The following MACROD2 variants were observed in gnomAD, a reference collection of about 807,000 sequenced individuals.
The protein encoded by MACROD2 is ADP-ribose glycohydrolase MACROD2.
MACROD2 carries 36 observed loss-of-function variants against 70.4 expected under a neutral mutation model. The ratio of observed to expected loss-of-function variants is 0.51; its 90% CI spans 0.39 to 0.68. The LOEUF (loss-of-function observed/expected upper bound fraction) is 0.68, where lower values mean the gene tolerates loss of function less well. Ranked by LOEUF, MACROD2 falls within the 30% of genes least tolerant of loss-of-function variation. The pLI is 0.00. For synonymous variants in MACROD2, 172 were observed against 178.8 expected, an observed-to-expected ratio of 0.96 and a Z score of 0.30; for missense variants, 496 against 538.4, an observed-to-expected ratio of 0.92 and a Z score of 0.78.
At chr20:15,449,396 T>C (rs1279053533) in intron 7 of MACROD2, among the ~76,000 whole-genome samples, 1 of 151,966 alleles carries the variant, frequency 6.6e-6, no homozygotes, top group African/African-American at 2.4e-5. Flanking sequence ...TTAAAAGGAG[T>C]GCTTTTAATC....
At chr20:15,898,779 T>A (rs1346409576) in intron 10 of MACROD2, among the ~76,000 whole-genome samples, 2 of 151,960 alleles carry the variant, frequency 1.3e-5, no homozygotes, top group Non-Finnish European at 2.9e-5. Flanking sequence ...TGGCACTTTA[T>A]CATTTCGGTT....
At chr20:14,879,743 T>C (rs2073590055) in intron 5 of MACROD2, among the ~76,000 whole-genome samples, 2 of 152,178 alleles carry the variant, frequency 1.3e-5, no homozygotes, top group Non-Finnish European at 2.9e-5. Context: ...ATTGTGCTTC[T>C]CTCTTTTTAT....
chr20:15,870,055 C>T (rs1314110278), intron 9 of MACROD2, among the ~76,000 whole-genome samples: 1 of 151,900 alleles, frequency 6.6e-6, no homozygotes. Context: ...TAAAACGAAA[C>T]AAATCAAGAA....
rs562236703 is a variant in MACROD2 at position 15,546,105 on chromosome 20, C to T, written c.645+46258C>T. On this transcript the variant is annotated intron_variant, in intron 8 of 17. Coordinates refer to ENST00000684519, the MANE Select transcript of MACROD2 (RefSeq NM_001351661.2). ...GTCTAAAAATACAAAATTAGCCAAG[C>T]GTGGTGATGCATGCCTGCAATCTCA... Among the ~76,000 whole-genome samples, 7 of 152,240 alleles carry T rather than the reference C, an allele frequency of 4.6e-5. No individual in the cohort carries two copies. In the South Asian group the frequency reaches 1.5e-3, roughly 32 times the overall value.
At chr20:14,090,437 G>A (rs2054132665) in intron 3 of MACROD2, among the ~76,000 whole-genome samples, 1 of 152,048 alleles carries the variant, frequency 6.6e-6, no homozygotes, top group African/African-American at 2.4e-5. Flanking sequence ...GCTGGGCACG[G>A]TGGCAGGTGC....
intron 4 of MACROD2, among the ~76,000 whole-genome samples, chr20:14,511,797 T>C (rs1337543096): frequency 2.0e-5 from 3 of 152,122 alleles, no homozygotes; most frequent in East Asian, 1.9e-4. Context: ...ACATGTGTGA[T>C]TTAGTAATAT....
chr20:15,647,730 T>G (rs1671473362), intron 8 of MACROD2, among the ~76,000 whole-genome samples: 1 of 151,510 alleles, frequency 6.6e-6, no homozygotes, highest in Non-Finnish European at 1.5e-5. Context: ...TGATTTTTTT[T>G]TTTTTTTGAG....
In MACROD2 at chr20:14,830,355, A is replaced by G. The variant is rs116184679; in HGVS notation, c.418+145396A>G. 4.4e-3 allele frequency among the ~76,000 whole-genome samples: 674 copies of G among 152,250 alleles called. 5 individuals carry two copies. Among genetic ancestry groups the G allele is most frequent in the African/African-American group, 0.016 (646 of 41,550 alleles). On this transcript the variant is annotated intron_variant, in intron 5 of 17. Coordinates refer to ENST00000684519, the MANE Select transcript of MACROD2 (RefSeq NM_001351661.2). Reference sequence around the variant, plus strand: ...AATAATAGTGATTAAGCTCTGTGCTATGTAAAACTGGCAAGTTTCTTAGTG... The same window carrying G: ...AATAATAGTGATTAAGCTCTGTGCTGTGTAAAACTGGCAAGTTTCTTAGTG...
At chr20:14,330,413 A>G (rs972651104) in intron 3 of MACROD2, among the ~76,000 whole-genome samples, 3 of 152,058 alleles carry the variant, frequency 2.0e-5, no homozygotes, top group African/African-American at 7.2e-5. Context: ...CTAAAGTAGT[A>G]GCAATTTGCT....
chr20:14,336,049 G>A (rs1341627957), intron 3 of MACROD2, among the ~76,000 whole-genome samples: 1 of 152,076 alleles, frequency 6.6e-6, no homozygotes, highest in Non-Finnish European at 1.5e-5. Context: ...TTAGTCATCT[G>A]TCACTTTGGG....
chr20:15,020,383 A>C (rs1298507845), intron 5 of MACROD2, among the ~76,000 whole-genome samples: 2 of 152,146 alleles, frequency 1.3e-5, no homozygotes, highest in East Asian at 1.9e-4. Flanking sequence ...TATCTGAAAA[A>C]ATTTATATGA....
chr20:15,248,370 A>G (rs1055554189), intron 6 of MACROD2, among the ~76,000 whole-genome samples: 1 of 149,018 alleles, frequency 6.7e-6, no homozygotes, highest in Non-Finnish European at 1.5e-5. Context: ...CCAGGACACC[A>G]CTCTCCTCTC....
At chr20:15,746,517 G>A (rs1183532326) in intron 8 of MACROD2, among the ~76,000 whole-genome samples, 2 of 137,826 alleles carry the variant, frequency 1.5e-5, no homozygotes. Context: ...CTTATTTCCA[G>A]TGAAACAGTA....
chr20:14,603,417 C>T (rs1982615786), intron 4 of MACROD2, among the ~76,000 whole-genome samples: 1 of 152,014 alleles, frequency 6.6e-6, no homozygotes, highest in South Asian at 2.1e-4. Flanking sequence ...CTTAATATCT[C>T]TGAAAAAAAG....
chr20:15,703,648 C>T (rs6034267), intron 8 of MACROD2, among the ~76,000 whole-genome samples: 39,385 of 152,066 alleles, frequency 0.26, 6,274 homozygotes, highest in African/African-American at 0.46. Flanking sequence ...GGGGCAGAGT[C>T]TGGGGAGTGG....
chr20:14,084,082 C>CAAAAA (rs1289652442), intron 2 of MACROD2, among the ~76,000 whole-genome samples: 1 of 112,598 alleles, frequency 8.9e-6, no homozygotes, highest in African/African-American at 3.3e-5. Context: ...AAAAAACAAA[C>CAAAAA]AAAAAAAAAC....
Position 15,012,683 on chromosome 20 carries a change from G to A in MACROD2, c.419-217257G>A, listed in dbSNP as rs147771492. ...CAGTTGGTAATGGGCTCTGCCAGGC[G>A]TGGAAGAGATAAAAGCCACCACCTG... is the stretch of plus-strand genomic sequence containing the variant. On this transcript the variant is annotated intron_variant, in intron 5 of 17. Coordinates refer to ENST00000684519, the MANE Select transcript of MACROD2 (RefSeq NM_001351661.2). Among the ~76,000 whole-genome samples, 232 of 152,214 alleles carry A rather than the reference G, an allele frequency of 1.5e-3. 3 individuals carry two copies. The East Asian group carries it at 0.031, about 20-fold the overall frequency.
intron 6 of MACROD2, among the ~76,000 whole-genome samples, chr20:15,360,225 G>A (rs1264945578): frequency 2.0e-5 from 3 of 152,090 alleles, no homozygotes. Flanking sequence ...AATAGTATGG[G>A]CATATCATAG....
chr20:15,528,442 G>T (rs1489510544), intron 8 of MACROD2, among the ~76,000 whole-genome samples: 1 of 152,164 alleles, frequency 6.6e-6, no homozygotes. Context: ...TTATCATGAG[G>T]ATTGAAGGGA....
Sources: allele counts gnomAD v4.1 joint callset (sites outside exome capture counted in the v4.1 genomes callset), GRCh38; gene constraint gnomAD v4.1.1; transcripts MANE v1.5; gene names NCBI Gene and HGNC (gene_info 2026-07-23, HGNC 2026-07-21).